FYB1: variants seen among roughly 807,000 people sequenced by gnomAD.
FYB1 encodes FYN binding protein 1, also known as FYN-binding protein 1.
FYB1 carries 41 observed loss-of-function variants against 94.1 expected under a neutral mutation model. The observed-to-expected ratio is 0.44, with a 90% CI of 0.34 to 0.57. FYB1 has a LOEUF of 0.57. FYB1 is among the 20% of genes least tolerant of loss of function. The pLI is 0.02. For synonymous variants in FYB1, 367 were observed against 353.2 expected (o/e 1.04, Z -0.44); for missense variants, 1,050 against 976.8 (o/e 1.07, Z -1.00).
At chr5:39,154,885 C>A (rs150202966) in intron 2 of FYB1, among the ~76,000 whole-genome samples, 3,175 of 152,236 alleles carry the variant, frequency 0.021, 108 homozygotes, top group African/African-American at 0.072. Flanking sequence ...AGCCACCTCG[C>A]CCGGCCTCCT....
At chr5:39,120,106 C>T (rs898387930) in intron 14 of FYB1, among the ~76,000 whole-genome samples, 1 of 151,914 alleles carries the variant, frequency 6.6e-6, no homozygotes, top group Non-Finnish European at 1.5e-5. Context: ...ACTTAAAATG[C>T]AGCTAGAGTT....
upstream of FYB1, among the ~76,000 whole-genome samples, chr5:39,224,302 G>T (rs963053344): frequency 6.6e-6 from 1 of 152,098 alleles, no homozygotes; most frequent in African/African-American, 2.4e-5. Flanking sequence ...TCAGCCTTTA[G>T]CACAGTCCTG....
chr5:39,118,843 T>A, intron 16 of FYB1, 31 bp downstream of exon 16: 5 of 1,344,566 alleles, frequency 3.7e-6, no homozygotes, highest in Non-Finnish European at 4.9e-6. Context: ...GACATATATA[T>A]GCACATATTA....
intron 1 of FYB1, among the ~76,000 whole-genome samples, chr5:39,214,749 GA>G (rs2150534707): frequency 6.6e-6 from 1 of 152,284 alleles, no homozygotes; most frequent in Admixed American, 6.5e-5. Flanking sequence ...CCAACATGGT[GA>G]AAACCCATCT....
intron 14 of FYB1, among the ~76,000 whole-genome samples, chr5:39,120,703 T>A (rs1339019598): frequency 2.0e-5 from 3 of 152,104 alleles, no homozygotes; most frequent in Admixed American, 6.6e-5. Context: ...AATTAGAATA[T>A]ATTAATTTTT....
intron 1 of FYB1, among the ~76,000 whole-genome samples, chr5:39,268,964 C>T (rs2111749983): frequency 6.6e-6 from 1 of 152,302 alleles, no homozygotes; most frequent in Middle Eastern, 3.4e-3. Context: ...TTTTTTCCTG[C>T]TGTTATCTTG....
chr5:39,244,230 G>A (rs1012113534), intron 1 of FYB1, among the ~76,000 whole-genome samples: 5 of 152,110 alleles, frequency 3.3e-5, no homozygotes, highest in African/African-American at 1.2e-4. Flanking sequence ...AGTTTTCAAA[G>A]GGAATGCTTC....
chr5:39,119,672 T>C (rs751982479), intron 14 of FYB1, 38 bp from the exon 15 acceptor site: 47 of 1,439,216 alleles, frequency 3.3e-5, no homozygotes, highest in Non-Finnish European at 4.3e-5. Flanking sequence ...ACACTTTGTT[T>C]AGAAAATTAA....
chr5:39,270,469 G>A, intron 1 of FYB1: 2 of 1,134,182 alleles, frequency 1.8e-6, no homozygotes, highest in Non-Finnish European at 2.5e-6. Context: ...AAGGCTCAGA[G>A]GACCTGACTG....
intron 1 of FYB1, among the ~76,000 whole-genome samples, chr5:39,243,874 T>C (rs1388828135): frequency 1.3e-5 from 2 of 152,176 alleles, no homozygotes; most frequent in African/African-American, 4.8e-5. Context: ...GTAAGTTGGG[T>C]TCCTAGGTAT....
chr5:39,106,454 G>C lies in FYB1; in HGVS notation c.*989C>G, dbSNP rs1247970789. On this transcript the variant is annotated 3_prime_UTR_variant, in exon 19 of 19. Transcript: ENST00000512982. Reference sequence around the variant, plus strand: ...CTTTGGGAATGAGTATGTACTGTTAGAGAAGGGCCCAATCCAAACACTAGA... The same window carrying C: ...CTTTGGGAATGAGTATGTACTGTTACAGAAGGGCCCAATCCAAACACTAGA... The C allele has an allele frequency of 6.6e-6, 1 of 151,946 alleles. No homozygotes were observed. Among genetic ancestry groups the C allele is most frequent in the African/African-American group, 2.4e-5 (1 of 41,364 alleles). 9.4% of individuals were successfully genotyped at this position (151,946 alleles called of 1,614,324 possible). A position where few individuals can be genotyped will look rare whatever the true frequency, so the allele number is the denominator to read the frequency against.
At chr5:39,255,263 T>C (rs1751886260) in intron 1 of FYB1, among the ~76,000 whole-genome samples, 1 of 152,162 alleles carries the variant, frequency 6.6e-6, no homozygotes, top group Non-Finnish European at 1.5e-5. Context: ...GCCCAGTCTA[T>C]GTGACATTTA....
chr5:39,270,799 C>T, intron 1 of FYB1: 1 of 464,592 alleles, frequency 2.2e-6, no homozygotes. Context: ...TTCAATAATA[C>T]AGGAACAGGT....
Position 39,107,032 on chromosome 5 carries a change from T to C in FYB1, c.*411A>G, listed in dbSNP as rs553549080. On this transcript the variant is annotated 3_prime_UTR_variant, in exon 19 of 19. Transcript: ENST00000512982. ...CAATAATTTTTCTTCTTGTGGAATG[T>C]TTTTAAATTTCCTTTCTTATATTAT... is the stretch of plus-strand genomic sequence containing the variant. 6.5e-6 allele frequency: 1 copy of C among 152,814 alleles called. No homozygotes were observed. Among genetic ancestry groups the C allele is most frequent in the African/African-American group, 2.4e-5 (1 of 41,490 alleles). 9.5% of individuals were successfully genotyped at this position (152,814 alleles called of 1,614,324 possible). A position where few individuals can be genotyped will look rare whatever the true frequency, so the allele number is the denominator to read the frequency against.
At chr5:39,121,145 G>A (rs1170104288) in intron 14 of FYB1, among the ~76,000 whole-genome samples, 1 of 129,262 alleles carries the variant, frequency 7.7e-6, no homozygotes, top group Non-Finnish European at 1.6e-5. Flanking sequence ...TGTTCCTAGA[G>A]AGCGATTTTA....
rs1352837035 is a variant in FYB1 at position 39,110,351 on chromosome 5, C to T, written c.2435+5G>A. 6.3e-7 allele frequency: 1 copy of T among 1,588,186 alleles called. No homozygotes were observed. Among genetic ancestry groups the T allele is most frequent in the Admixed American group, 1.7e-5 (1 of 59,114 alleles). On this transcript the variant is annotated splice_donor_5th_base_variant and intron_variant, in intron 17 of 18. Transcript: ENST00000512982. ...AAGCATAGTAGTAGAAGAAAATGGGCTTACTTGTCCGCTAGGTAACTCCGA... is the reference window on the plus strand; with the variant it reads ...AAGCATAGTAGTAGAAGAAAATGGGTTTACTTGTCCGCTAGGTAACTCCGA...
At chr5:39,117,767 T>C (rs532030381) in intron 16 of FYB1, among the ~76,000 whole-genome samples, 281 of 152,306 alleles carry the variant, frequency 1.8e-3, no homozygotes, top group African/African-American at 6.4e-3. Flanking sequence ...GGGGCAGCTG[T>C]AGTGGCTATC....
intron 2 of FYB1, among the ~76,000 whole-genome samples, chr5:39,154,202 A>G (rs78848440): frequency 0.037 from 5,578 of 152,216 alleles, 329 homozygotes; most frequent in African/African-American, 0.13. Context: ...CGTTGCTGGT[A>G]CCTAAAAAAT....
intron 2 of FYB1, among the ~76,000 whole-genome samples, chr5:39,188,280 C>T (rs1053879852): frequency 6.6e-6 from 1 of 152,208 alleles, no homozygotes; most frequent in African/African-American, 2.4e-5. Context: ...TGCTCTTTCC[C>T]TCACTAAGCA....
Sources: gnomAD v4.1 joint callset for allele counts (sites outside exome capture counted in the v4.1 genomes callset) on GRCh38, gnomAD v4.1.1 for gene constraint, MANE v1.5 for transcripts, NCBI Gene and HGNC (gene_info 2026-07-23, HGNC 2026-07-21) for gene names.